Variants in TGFBRAP1 observed in about 807,000 individuals in gnomAD.
The protein encoded by TGFBRAP1 is transforming growth factor beta receptor associated protein 1.
Under a neutral mutation model 83.2 loss-of-function variants are expected in TGFBRAP1, and 20 were observed. The ratio of observed to expected loss-of-function variants is 0.24; its 90% CI spans 0.17 to 0.35. The LOEUF (loss-of-function observed/expected upper bound fraction) is 0.35. Ranked by LOEUF, TGFBRAP1 falls within the 10% of genes least tolerant of loss-of-function variation. The pLI is 1.00. For synonymous variants in TGFBRAP1, 415 were observed against 459.8 expected (o/e 0.90, Z 1.25); for missense variants, 950 against 1,099.4 (o/e 0.86, Z 1.92).
At chr2:105,288,674 A>G (rs1292916528) in intron 4 of TGFBRAP1, among the ~76,000 whole-genome samples, 1 of 151,866 alleles carries the variant, frequency 6.6e-6, no homozygotes, top group Non-Finnish European at 1.5e-5. Flanking sequence ...ATTCATACCA[A>G]CCCCTTTTTT....
In TGFBRAP1 at chr2:105,267,036, CCCCACCTGG is replaced by C; in HGVS notation, c.*338_*346del. ...TGGAGTGTGGGGGTGGTGGGGGATC[CCCCACCTGG>C]GTCTGGACTGCATGAGGAAGACTCC... is the stretch of plus-strand genomic sequence containing the variant. On this transcript the variant is annotated 3_prime_UTR_variant, in exon 12 of 12. Transcript: ENST00000393359. The C allele has an allele frequency of 4.9e-6, 1 of 202,072 alleles. No individual in the cohort carries two copies. The highest frequency in any genetic ancestry group is 1.0e-5 in the Non-Finnish European group (1 of 99,706). The allele number at this position is 202,072 out of a possible 1,614,324, so 12.5% of individuals were successfully genotyped here.
rs546576645 is a variant in TGFBRAP1, at chr2:105,265,413, G to A, written c.*1970C>T. The A allele has an allele frequency of 4.6e-5, 7 of 152,530 alleles. No homozygotes were observed. The East Asian group carries it at 1.2e-3, about 25-fold the overall frequency. The allele number at this position is 152,530 out of a possible 1,614,324, so 9.4% of individuals were successfully genotyped here. ...GAACCCAGGAGGTGGAGGTTGCAGT[G>A]AGCCGAGATTGCGCCACTGCACTCC... is the stretch of plus-strand genomic sequence containing the variant. On this transcript the variant is annotated 3_prime_UTR_variant, in exon 12 of 12. Coordinates refer to ENST00000393359, the MANE Select transcript of TGFBRAP1 (RefSeq NM_004257.6).
intron 10 of TGFBRAP1, 101 bp downstream of exon 10, chr2:105,272,754 G>T: frequency 6.9e-7 from 1 of 1,442,720 alleles, no homozygotes; most frequent in South Asian, 1.2e-5. Context: ...ATCACCCTGT[G>T]CAATCAACCA....
At chr2:105,312,668 A>T (rs547350870) in intron 1 of TGFBRAP1, among the ~76,000 whole-genome samples, 2 of 152,252 alleles carry the variant, frequency 1.3e-5, no homozygotes, top group African/African-American at 4.8e-5. Context: ...AAGAATATGC[A>T]CATTGTCATT....
At chr2:105,323,376 C>G (rs1389608071) in intron 1 of TGFBRAP1, among the ~76,000 whole-genome samples, 1 of 152,170 alleles carries the variant, frequency 6.6e-6, no homozygotes, top group Non-Finnish European at 1.5e-5. Context: ...TCTGCGACCC[C>G]TTGGGACTCA....
intron 4 of TGFBRAP1, among the ~76,000 whole-genome samples, chr2:105,291,117 A>G (rs1435090545): frequency 6.6e-6 from 1 of 152,158 alleles, no homozygotes; most frequent in Non-Finnish European, 1.5e-5. Flanking sequence ...TGTTGAAACT[A>G]TTCCCCTGAG....
rs767937871 is a variant in TGFBRAP1, at chr2:105,308,211, C to G, written c.91G>C (p.Glu31Gln). 6.2e-7 allele frequency: 1 copy of G among 1,614,218 alleles called. No homozygotes were observed. The highest frequency in any genetic ancestry group is 8.5e-7 in the Non-Finnish European group (1 of 1,180,036). Reference sequence around the variant, plus strand: ...ACGTAGAGGTCCCTGCCGCAGCACTCCACGCACTCTATGTTGACGCGCTCC... The same window carrying G: ...ACGTAGAGGTCCCTGCCGCAGCACTGCACGCACTCTATGTTGACGCGCTCC... Reference protein sequence around the residue: ...DKERVNIECVECCGRDLYVGT... With the variant: ...DKERVNIECVQCCGRDLYVGT... Residue 31 changes from glutamate (E) to glutamine (Q), a missense_variant, in exon 2 of 12, where the codon GAG becomes CAG. Coordinates refer to ENST00000393359, the MANE Select transcript of TGFBRAP1 (RefSeq NM_004257.6).
chr2:105,260,480 A>G (rs1676764377), downstream of TGFBRAP1, among the ~76,000 whole-genome samples: 1 of 152,240 alleles, frequency 6.6e-6, no homozygotes, highest in Admixed American at 6.5e-5. Flanking sequence ...GTCAAGTGAA[A>G]TAAGCCAGTC....
chr2:105,258,853 G>A, the TGFBRAP1 span, among the ~76,000 whole-genome samples: 1 of 152,094 alleles, frequency 6.6e-6, no homozygotes, highest in Non-Finnish European at 1.5e-5. Context: ...CACGGCCATG[G>A]CAGTGGGAAA....
intron 2 of TGFBRAP1, among the ~76,000 whole-genome samples, chr2:105,299,953 AT>A: frequency 6.6e-6 from 1 of 152,308 alleles, no homozygotes; most frequent in South Asian, 2.1e-4. Context: ...GATAAAGTCT[AT>A]TGTTTCTGTA....
At chr2:105,264,388 G>C (rs943674956), downstream of TGFBRAP1, 3 of 152,170 alleles carry the variant, frequency 2.0e-5, no homozygotes, top group African/African-American at 7.2e-5. Flanking sequence ...ATTTAGACTA[G>C]GTATGGTGCG....
At chr2:105,276,133 C>T (rs553460899) in intron 7 of TGFBRAP1, among the ~76,000 whole-genome samples, 74 of 152,256 alleles carry the variant, frequency 4.9e-4, no homozygotes, top group African/African-American at 1.7e-3. Context: ...TTTGAAGTCC[C>T]CTTTGGACTG....
chr2:105,263,627 C>T (rs1245778290), downstream of TGFBRAP1, among the ~76,000 whole-genome samples: 2 of 152,142 alleles, frequency 1.3e-5, no homozygotes, highest in Admixed American at 6.5e-5. Context: ...CCTGTAATCC[C>T]AGCATTTTAG....
At chr2:105,256,870 C>G in the TGFBRAP1 span, among the ~76,000 whole-genome samples, 4 of 152,188 alleles carry the variant, frequency 2.6e-5, no homozygotes, top group African/African-American at 9.7e-5. Context: ...AGTAAAGAAG[C>G]AGCTAAATCT....
intron 1 of TGFBRAP1, among the ~76,000 whole-genome samples, chr2:105,308,758 C>T (rs946162978): frequency 4.2e-5 from 6 of 142,086 alleles, no homozygotes; most frequent in Admixed American, 3.5e-4. Context: ...TAATGAGACC[C>T]CATTTAAAAA....
the TGFBRAP1 span, among the ~76,000 whole-genome samples, chr2:105,253,392 C>CA: frequency 1.3e-5 from 2 of 152,148 alleles, no homozygotes; most frequent in African/African-American, 4.8e-5. Context: ...CTCGGCCTCT[C>CA]AAAGTGCTGG....
At position 105,301,982 on chromosome 2, in the gene TGFBRAP1, T is replaced by C. The variant is rs546468761; in HGVS notation, c.689-3277A>G. On this transcript the variant is annotated intron_variant, in intron 2 of 11. Transcript: ENST00000393359. ...ACCTGAAACTTATATAACAGAGAAG[T>C]TGGTATCTCAAACATATAAAGAATA... 9.4e-4 allele frequency among the ~76,000 whole-genome samples: 130 copies of C among 138,394 alleles called. 1 individual carries two copies. The highest frequency in any genetic ancestry group is 1.4e-3 in the Non-Finnish European group (95 of 66,232). The allele number at this position is 138,394 out of a possible 152,430, so 90.8% of individuals were successfully genotyped here.
intron 8 of TGFBRAP1, 65 bp from the exon 9 acceptor site, chr2:105,273,755 T>C (rs1057141765): frequency 1.6e-5 from 25 of 1,571,398 alleles, no homozygotes; most frequent in Admixed American, 9.5e-5. Flanking sequence ...AACTTTATTT[T>C]GGTCATTGCA....
the TGFBRAP1 span, among the ~76,000 whole-genome samples, chr2:105,257,965 AC>A: frequency 1.3e-5 from 2 of 152,170 alleles, no homozygotes; most frequent in African/African-American, 4.8e-5. Flanking sequence ...CCCAACATAT[AC>A]TTGTGGAATG....
Sources: allele counts gnomAD v4.1 joint callset (sites outside exome capture counted in the v4.1 genomes callset), GRCh38; gene constraint gnomAD v4.1.1; transcripts MANE v1.5; gene names NCBI Gene and HGNC (gene_info 2026-07-23, HGNC 2026-07-21).